USP49: variants seen among roughly 807,000 people sequenced by gnomAD.
USP49 encodes ubiquitin specific peptidase 49.
A neutral mutation model predicts 58.6 loss-of-function variants in USP49; 24 were observed. The observed-to-expected ratio is 0.41, with a 90% confidence interval of 0.30 to 0.58. USP49 has a LOEUF of 0.58. Among genes scored for constraint, USP49 ranks in the 20% least tolerant of loss-of-function variants. The pLI is 0.30. For synonymous variants in USP49, 408 were observed against 365.1 expected (o/e 1.12, Z -1.34); for missense variants, 703 against 866.1 (o/e 0.81, Z 2.36).
intron 3 of USP49, among the ~76,000 whole-genome samples, chr6:41,810,154 AAAAT>A (rs910821361): frequency 1.1e-4 from 17 of 151,086 alleles, no homozygotes; most frequent in African/African-American, 2.9e-4. Context: ...TCCGTCTCAA[AAAAT>A]AAATAAATAA....
At chr6:41,892,388 A>G (rs1645073613) in intron 1 of USP49, among the ~76,000 whole-genome samples, 1 of 152,358 alleles carries the variant, frequency 6.6e-6, no homozygotes, top group African/African-American at 2.4e-5. Flanking sequence ...CATCTCACTG[A>G]AACAAGTGCC....
intron 3 of USP49, among the ~76,000 whole-genome samples, chr6:41,856,323 C>A (rs1240735595): frequency 6.7e-6 from 1 of 149,104 alleles, no homozygotes; most frequent in African/African-American, 2.5e-5. Flanking sequence ...TGCAGTGAGC[C>A]GAGATGGCGC....
At chr6:41,826,059 T>C (rs1387914242) in intron 3 of USP49, among the ~76,000 whole-genome samples, 1 of 151,748 alleles carries the variant, frequency 6.6e-6, no homozygotes, top group East Asian at 1.9e-4. Flanking sequence ...AGTCCAGGAG[T>C]TCGAGACCAG....
Position 41,794,504 on chromosome 6 carries a change from G to C in USP49, c.*2029C>G, listed in dbSNP as rs1476610414. 6.6e-6 allele frequency: 1 copy of C among 152,098 alleles called. No homozygotes were observed. The highest frequency in any genetic ancestry group is 1.5e-5 in the Non-Finnish European group (1 of 68,020). The allele number at this position is 152,098 out of a possible 1,614,324, so 9.4% of individuals were successfully genotyped here. A position where few individuals can be genotyped will look rare whatever the true frequency, so the allele number is the denominator to read the frequency against. On this transcript the variant is annotated 3_prime_UTR_variant, in exon 8 of 8. Transcript: ENST00000682992. ...AAATATAGGATTCAATGAAAGATGA[G>C]GCACGATTCATAGTTTCCTTTCCTT...
At chr6:41,841,712 G>C (rs1773830582) in intron 3 of USP49, among the ~76,000 whole-genome samples, 1 of 152,124 alleles carries the variant, frequency 6.6e-6, no homozygotes, top group African/African-American at 2.4e-5. Context: ...AGAAAATTCA[G>C]ATGAGTAGAT....
intron 3 of USP49, among the ~76,000 whole-genome samples, chr6:41,863,153 TG>T (rs1377990800): frequency 6.6e-6 from 1 of 152,220 alleles, no homozygotes; most frequent in Non-Finnish European, 1.5e-5. Context: ...GTTCTAGATA[TG>T]GCACTCCTAT....
chr6:41,802,428 T>TTTTATTTTATTTTATTTATTTA (rs10688447), intron 5 of USP49, among the ~76,000 whole-genome samples: 8 of 106,430 alleles, frequency 7.5e-5, no homozygotes, highest in East Asian at 2.6e-4. Flanking sequence ...TTTTATTTTA[T>TTTTATTTTATTTTATTTATTTA]TTTATTTATT....
chr6:41,808,815 T>G (rs990982680), intron 3 of USP49, among the ~76,000 whole-genome samples: 1 of 152,180 alleles, frequency 6.6e-6, no homozygotes, highest in African/African-American at 2.4e-5. Context: ...CACCGTGGCT[T>G]GCACACTTCG....
At chr6:41,802,479 ATTTTTT>A in intron 5 of USP49, among the ~76,000 whole-genome samples, 2 of 79,778 alleles carry the variant, frequency 2.5e-5, no homozygotes, top group East Asian at 3.4e-4. Flanking sequence ...TTTTTTATTT[ATTTTTT>A]TTTTTTGAGA....
intron 3 of USP49, among the ~76,000 whole-genome samples, chr6:41,823,051 G>T (rs1424480506): frequency 6.6e-6 from 1 of 152,126 alleles, no homozygotes; most frequent in Admixed American, 6.6e-5. Context: ...ACTAAAAAAG[G>T]GGCAGGGCTA....
chr6:41,866,626 G>A (rs1371555638), intron 3 of USP49, among the ~76,000 whole-genome samples: 1 of 152,140 alleles, frequency 6.6e-6, no homozygotes, highest in Non-Finnish European at 1.5e-5. Flanking sequence ...AGAAACCACA[G>A]TGCTCATCAC....
In USP49 at chr6:41,881,288, CAAAAAAAAAAAAAAAAAAAA is replaced by C. The variant is rs57022965; in HGVS notation, c.-102-9671_-102-9652del. Reference sequence around the variant, plus strand: ...TGTTCAGAAATATGGCATTAAATACCAAAAAAAAAAAAAAAAAAAAAAAAAAAAAAAGCCCAGCTAGAAGA... The same window carrying C: ...TGTTCAGAAATATGGCATTAAATACCAAAAAAAAAAAGCCCAGCTAGAAGA... On this transcript the variant is annotated intron_variant, in intron 2 of 7. Coordinates refer to ENST00000682992, the MANE Select transcript of USP49 (RefSeq NM_001286554.2). Among the ~76,000 whole-genome samples, 101 of 20,396 alleles carry C rather than the reference CAAAAAAAAAAAAAAAAAAAA, an allele frequency of 5.0e-3. 6 individuals carry two copies. In the East Asian group the frequency reaches 0.067, roughly 14 times the overall value. The allele number at this position is 20,396 out of a possible 152,430, so 13.4% of individuals were successfully genotyped here.
chr6:41,867,237 T>C (rs958874466), intron 3 of USP49, among the ~76,000 whole-genome samples: 2 of 152,208 alleles, frequency 1.3e-5, no homozygotes, highest in Non-Finnish European at 2.9e-5. Flanking sequence ...CACATTCTAA[T>C]TACACGACCT....
chr6:41,825,310 G>A (rs1434560164), intron 3 of USP49, among the ~76,000 whole-genome samples: 1 of 152,142 alleles, frequency 6.6e-6, no homozygotes, highest in African/African-American at 2.4e-5. Context: ...GTATGATACT[G>A]CCTAAGTAAA....
intron 3 of USP49, among the ~76,000 whole-genome samples, chr6:41,815,744 T>C (rs906558378): frequency 6.6e-6 from 1 of 152,220 alleles, no homozygotes; most frequent in Non-Finnish European, 1.5e-5. Context: ...GCAGCAGCTC[T>C]TGGCCACAGT....
chr6:41,895,079 G>A (rs1774874106), intron 1 of USP49, among the ~76,000 whole-genome samples: 1 of 121,256 alleles, frequency 8.2e-6, no homozygotes, highest in African/African-American at 3.2e-5. Flanking sequence ...CCCGCCCCCT[G>A]CCGCCGCTCC....
chr6:41,808,595 A>G (rs1271028029), intron 3 of USP49, among the ~76,000 whole-genome samples: 2 of 152,086 alleles, frequency 1.3e-5, no homozygotes, highest in African/African-American at 2.4e-5. Context: ...TATTTTTAGT[A>G]GAGACAGGGT....
At chr6:41,797,791 C>A in intron 7 of USP49, 1 of 985,834 alleles carries the variant, frequency 1.0e-6, no homozygotes, top group Non-Finnish European at 1.2e-6. Flanking sequence ...GTAATATTAT[C>A]AATAACCAAT....
chr6:41,797,502 AAC>A (rs1772907436), intron 7 of USP49: 7 of 438,546 alleles, frequency 1.6e-5, no homozygotes, highest in Non-Finnish European at 2.1e-5. Context: ...AACAGCTGAA[AAC>A]ACATCTGCAG....
Sources: allele counts gnomAD v4.1 joint callset (sites outside exome capture counted in the v4.1 genomes callset), GRCh38; gene constraint gnomAD v4.1.1; transcripts MANE v1.5; gene names NCBI Gene and HGNC (gene_info 2026-07-23, HGNC 2026-07-21).